SLC25A18: variants seen among roughly 807,000 people sequenced by gnomAD.
SLC25A18 encodes the protein mitochondrial glutamate carrier 2.
SLC25A18 carries 24 observed loss-of-function variants against 31.1 expected under a neutral mutation model. That is an observed-to-expected ratio of 0.77 (90% confidence interval 0.56 to 1.08). SLC25A18 has a LOEUF of 1.08. Among genes scored for constraint, SLC25A18 ranks in the 50% least tolerant of loss-of-function variants. The pLI, the probability that SLC25A18 is intolerant of heterozygous loss-of-function variation, is 0.00. For synonymous variants in SLC25A18, 173 were observed against 161.9 expected, an observed-to-expected ratio of 1.07 and a Z score of -0.52; for missense variants, 371 against 418.5, an observed-to-expected ratio of 0.89 and a Z score of 0.99.
At chr22:17,575,158 T>C (rs939449014) in intron 2 of SLC25A18, among the ~76,000 whole-genome samples, 5 of 152,114 alleles carry the variant, frequency 3.3e-5, no homozygotes, top group African/African-American at 9.7e-5. Context: ...CGTGCTCTCT[T>C]ATTCTTTAAG....
At chr22:17,571,877 G>A (rs1186844065) in intron 2 of SLC25A18, among the ~76,000 whole-genome samples, 1 of 152,094 alleles carries the variant, frequency 6.6e-6, no homozygotes, top group Non-Finnish European at 1.5e-5. Flanking sequence ...AATTAGCCGG[G>A]CATGGTGGCT....
Position 17,590,365 on chromosome 22 carries a change from TC to T in SLC25A18, c.*130del. ...CCTCTGCGTTGTAGTGCTACCTCAA[TC>T]TCGGGAGAAACAGCCCTATATTCTA... On this transcript the variant is annotated 3_prime_UTR_variant, in exon 11 of 11. Transcript: ENST00000327451. 8.9e-7 allele frequency: 1 copy of T among 1,118,906 alleles called. No individual in the cohort carries two copies. The highest frequency in any genetic ancestry group is 1.3e-6 in the Non-Finnish European group (1 of 785,770). 69.3% of individuals were successfully genotyped at this position (1,118,906 alleles called of 1,614,324 possible).
rs573197165 is a variant in SLC25A18 at position 17,563,625 on chromosome 22, G to A, written c.-352G>A. On this transcript the variant is annotated 5_prime_UTR_variant, in exon 1 of 11. Transcript: ENST00000327451. Reference sequence around the variant, plus strand: ...GGGCTTTGCTTTGAGAAGGAACTGAGTAGGCAGTGAGAAGAGTCGAGTGAA... The same window carrying A: ...GGGCTTTGCTTTGAGAAGGAACTGAATAGGCAGTGAGAAGAGTCGAGTGAA... 1.9e-3 allele frequency: 1,888 copies of A among 976,716 alleles called. 4 individuals are homozygous for A. Among genetic ancestry groups the A allele is most frequent in the Non-Finnish European group, 2.2e-3 (1,808 of 822,046 alleles). The allele number at this position is 976,716 out of a possible 1,614,324, so 60.5% of individuals were successfully genotyped here.
chr22:17,584,499 G>T (rs1177861371), intron 7 of SLC25A18, among the ~76,000 whole-genome samples: 2 of 150,736 alleles, frequency 1.3e-5, no homozygotes, highest in Admixed American at 6.6e-5. Context: ...AAGAAATGCC[G>T]CCCAGCGTGG....
intron 2 of SLC25A18, among the ~76,000 whole-genome samples, chr22:17,576,365 GA>G (rs905605176): frequency 9.6e-5 from 14 of 145,798 alleles, no homozygotes; most frequent in East Asian, 4.0e-4. Context: ...AAAAAAAAAA[GA>G]AAAAAAAAAG....
intron 2 of SLC25A18, among the ~76,000 whole-genome samples, chr22:17,572,498 A>AT: frequency 6.6e-6 from 1 of 151,032 alleles, no homozygotes; most frequent in South Asian, 2.1e-4. Context: ...AAAAAAAAAA[A>AT]AGAATCACTT....
chr22:17,585,665 T>C (rs2057529816), intron 7 of SLC25A18, among the ~76,000 whole-genome samples: 1 of 147,406 alleles, frequency 6.8e-6, no homozygotes, highest in Non-Finnish European at 1.5e-5. Flanking sequence ...TTTTTTTTTT[T>C]TGAGGCAGAG....
chr22:17,580,538 A>G, intron 3 of SLC25A18: 1 of 989,504 alleles, frequency 1.0e-6, no homozygotes. Flanking sequence ...CTTATTATGA[A>G]CAATAGCTGG....
intron 2 of SLC25A18, among the ~76,000 whole-genome samples, chr22:17,578,887 C>T (rs992007439): frequency 3.3e-5 from 5 of 152,140 alleles, no homozygotes; most frequent in South Asian, 4.1e-4. Context: ...GCAACAAGAG[C>T]GAAACTCCAT....
chr22:17,587,137 C>G lies in SLC25A18; in HGVS notation c.411C>G (p.Ala137=). Residue 137 remains alanine (A), a splice_region_variant and synonymous_variant, in exon 8 of 11, where the codon GCC becomes GCG. Transcript: ENST00000327451. The stretch of plus-strand genomic sequence containing the variant: ...TGATGTCTGTCCTTTCCCTTCCAGC[C>G]GTCCATCATCAGGGCTCGGCCTCAG... ...KIQLQDAGRL[A]VHHQGSASAP... is the part of the protein sequence containing the mutation. 1 of 1,613,642 alleles carries G rather than the reference C, an allele frequency of 6.2e-7. No homozygotes were observed.
intron 3 of SLC25A18, chr22:17,580,185 G>A (rs930999678): frequency 4.5e-6 from 2 of 439,966 alleles, no homozygotes; most frequent in Non-Finnish European, 7.9e-6. Context: ...TAATTGTTTG[G>A]GTTCATCTTC....
At chr22:17,571,127 G>A (rs562590023) in intron 2 of SLC25A18, among the ~76,000 whole-genome samples, 1 of 152,320 alleles carries the variant, frequency 6.6e-6, no homozygotes, top group South Asian at 2.1e-4. Context: ...GTGCGGGAGT[G>A]GGAGCCTGTC....
intron 2 of SLC25A18, among the ~76,000 whole-genome samples, chr22:17,573,553 T>C (rs9605327): frequency 0.013 from 1,907 of 152,300 alleles, 20 homozygotes; most frequent in South Asian, 0.031. Context: ...GCATGGTGTC[T>C]ACAGCTGAGG....
chr22:17,577,148 A>C (rs964445675), intron 2 of SLC25A18, among the ~76,000 whole-genome samples: 1 of 151,832 alleles, frequency 6.6e-6, no homozygotes, highest in Non-Finnish European at 1.5e-5. Flanking sequence ...TCAGACTCCC[A>C]AGTAGCTGGG....
intron 2 of SLC25A18, among the ~76,000 whole-genome samples, chr22:17,576,490 T>C (rs903252696): frequency 1.3e-5 from 2 of 152,202 alleles, no homozygotes; most frequent in Admixed American, 6.5e-5. Flanking sequence ...TGGCATACAG[T>C]AATCACTCAA....
intron 5 of SLC25A18, chr22:17,581,640 C>T (rs1040238694): frequency 3.9e-5 from 22 of 559,452 alleles, no homozygotes; most frequent in Non-Finnish European, 6.4e-5. Context: ...TAAGAGCAGG[C>T]GAGCCCTCCC....
chr22:17,576,935 C>A (rs1383134706), intron 2 of SLC25A18, among the ~76,000 whole-genome samples: 1 of 152,226 alleles, frequency 6.6e-6, no homozygotes, highest in Non-Finnish European at 1.5e-5. Flanking sequence ...TCTTGGCTCA[C>A]TGCAACCTCC....
At chr22:17,589,441 G>A (rs1375122835) in intron 9 of SLC25A18, 149 bp from the exon 10 acceptor site, 1 of 594,636 alleles carries the variant, frequency 1.7e-6, no homozygotes, top group Non-Finnish European at 3.0e-6. Context: ...CTCCCAAAGT[G>A]CTGGGATTAC....
chr22:17,569,810 TGA>T, intron 1 of SLC25A18, 112 bp from the exon 2 acceptor site: 1 of 985,214 alleles, frequency 1.0e-6, no homozygotes, highest in Non-Finnish European at 1.2e-6. Flanking sequence ...CAGTGTGCGG[TGA>T]GAGTCTGGAA....
Sources: allele counts gnomAD v4.1 joint callset (sites outside exome capture counted in the v4.1 genomes callset), GRCh38; gene constraint gnomAD v4.1.1; transcripts MANE v1.5; gene names NCBI Gene and HGNC (gene_info 2026-07-23, HGNC 2026-07-21).